CDC42BPB: variants seen among roughly 807,000 people sequenced by gnomAD.
CDC42BPB encodes the protein CDC42 binding protein kinase beta.
CDC42BPB carries 37 observed loss-of-function variants against 214.9 expected under a neutral mutation model. The ratio of observed to expected loss-of-function variants is 0.17; its 90% CI spans 0.13 to 0.23. The LOEUF is 0.23. Among genes scored for constraint, CDC42BPB ranks in the 10% least tolerant of loss-of-function variants. CDC42BPB has a pLI of 1.00. For synonymous variants in CDC42BPB, 931 were observed against 884.0 expected, an observed-to-expected ratio of 1.05 and a Z score of -0.94; for missense variants, 1,694 against 2,227.0, an observed-to-expected ratio of 0.76 and a Z score of 4.82.
intron 1 of CDC42BPB, among the ~76,000 whole-genome samples, chr14:103,021,256 C>T (rs759419043): frequency 1.3e-5 from 2 of 152,078 alleles, no homozygotes; most frequent in African/African-American, 2.4e-5. Flanking sequence ...GTCAGGAGAT[C>T]GAGACCATCC....
Position 103,004,017 on chromosome 14 carries a change from A to G in CDC42BPB, c.358T>C (p.Cys120Arg). ...AGCACATCGCGCTCCTCTCGGAAGCACGCGGTCTGCAAAGCAACGAGGGGT... is the reference window on the plus strand; with the variant it reads ...AGCACATCGCGCTCCTCTCGGAAGCGCGCGGTCTGCAAAGCAACGAGGGGT... Reference protein sequence around the residue: ...WEMLKRAETACFREERDVLVN... With the variant: ...WEMLKRAETARFREERDVLVN... The change falls in exon 4 of 37, where the codon TGC becomes CGC. Residue 120 changes from cysteine to arginine, a missense_variant. By Grantham distance (180) the Cys-to-Arg change is radical. Transcript: ENST00000361246. The surrounding 1 kb of genome is among the most constrained non-coding windows in gnomAD (Gnocchi z 5.3). The G allele has an allele frequency of 6.2e-7, 1 of 1,601,718 alleles. No individual in the cohort carries two copies. The highest frequency in any genetic ancestry group is 8.5e-7 in the Non-Finnish European group (1 of 1,177,916).
At chr14:103,036,147 A>G (rs1269634126) in intron 1 of CDC42BPB, among the ~76,000 whole-genome samples, 1 of 151,130 alleles carries the variant, frequency 6.6e-6, no homozygotes, top group Non-Finnish European at 1.5e-5. Flanking sequence ...AATAAAATAA[A>G]ATATTCTTTT....
Position 102,959,640 on chromosome 14 carries a change from C to T in CDC42BPB, c.2892G>A (p.Leu964=). The change falls in exon 21 of 37, where the codon CTG becomes CTA. Residue 964 remains leucine (L), a synonymous_variant. Coordinates refer to ENST00000361246, the MANE Select transcript of CDC42BPB (RefSeq NM_006035.4). ...YFNTAPLAHD[L]TFRTSSASEQ... is the part of the protein sequence containing the mutation. ...AAAAACAATGACTTACTCTAAATGT[C>T]AGGTCATGTGCAAGAGGAGCAGTGT... 1 of 1,600,712 alleles carries T rather than the reference C, an allele frequency of 6.2e-7. No individual in the cohort carries two copies. Among genetic ancestry groups the T allele is most frequent in the Non-Finnish European group, 8.5e-7 (1 of 1,172,236 alleles).
chr14:102,972,191 G>T (rs371492506), intron 12 of CDC42BPB, 30 bp from the exon 13 acceptor site: 2 of 1,605,408 alleles, frequency 1.2e-6, no homozygotes, highest in South Asian at 1.1e-5. Context: ...GATGTTTTAC[G>T]TTTGCCTAAC....
At chr14:102,952,467 C>T (rs769365910) in intron 24 of CDC42BPB, 31 bp downstream of exon 24, 89 of 1,447,828 alleles carry the variant, frequency 6.1e-5, no homozygotes, top group East Asian at 1.6e-4. Context: ...GGGCTGTGCA[C>T]GCTGACCCCA....
chr14:102,939,894 G>A lies in CDC42BPB; in HGVS notation c.4645C>T (p.Arg1549Cys), dbSNP rs1449283610. 3 of 1,613,894 alleles carry A rather than the reference G, an allele frequency of 1.9e-6. No individual in the cohort carries two copies. Among genetic ancestry groups the A allele is most frequent in the Non-Finnish European group, 1.7e-6 (2 of 1,180,048 alleles). ...ACGAACCGCCTTTTGCTCCTGGTGC[G>A]CAGCATCTGCTTCTTGCTGTTGTCG... is the stretch of plus-strand genomic sequence containing the variant. ...TSDNSKKQML[R>C]TRSKRRFVFK... is the part of the protein sequence containing the mutation. Residue 1549 changes from arginine to cysteine, a missense_variant, in exon 33 of 37, where the codon CGC (arginine) becomes TGC (cysteine). Transcript: ENST00000361246.
At chr14:102,985,905 G>A (rs547457505) in intron 6 of CDC42BPB, among the ~76,000 whole-genome samples, 47 of 152,354 alleles carry the variant, frequency 3.1e-4, no homozygotes, top group African/African-American at 1.1e-3. Flanking sequence ...CTGACTGCGG[G>A]GTGGAGACCA....
At chr14:103,010,659 AACCAAAAGGC>A (rs1886103075) in intron 2 of CDC42BPB, among the ~76,000 whole-genome samples, 1 of 152,208 alleles carries the variant, frequency 6.6e-6, no homozygotes, top group Non-Finnish European at 1.5e-5. Flanking sequence ...TTCCTCAGTG[AACCAAAAGGC>A]ACAGTTCCCC....
chr14:103,027,101 C>T (rs890611451), intron 1 of CDC42BPB, among the ~76,000 whole-genome samples: 3 of 152,128 alleles, frequency 2.0e-5, no homozygotes, highest in African/African-American at 7.2e-5. Flanking sequence ...CAAAGTCATT[C>T]GCAATCAGGG....
At chr14:102,940,348 G>C (rs1041228167) in intron 30 of CDC42BPB, 24 bp from the exon 31 acceptor site, 1 of 1,553,280 alleles carries the variant, frequency 6.4e-7, no homozygotes, top group Non-Finnish European at 8.7e-7. Flanking sequence ...AGCAGGGCGG[G>C]GTGAGCCACA....
chr14:102,979,644 T>C (rs1292969941), intron 8 of CDC42BPB, among the ~76,000 whole-genome samples: 1 of 152,212 alleles, frequency 6.6e-6, no homozygotes, highest in African/African-American at 2.4e-5. Context: ...GGATGAAACA[T>C]ACAGAGTGAA....
chr14:103,009,785 A>G (rs949800769), intron 2 of CDC42BPB, among the ~76,000 whole-genome samples: 1 of 152,212 alleles, frequency 6.6e-6, no homozygotes, highest in Non-Finnish European at 1.5e-5. Flanking sequence ...CATGCCTGGC[A>G]CAGCTCAATG....
intron 1 of CDC42BPB, among the ~76,000 whole-genome samples, chr14:103,014,008 A>G (rs1357729213): frequency 6.6e-6 from 1 of 152,154 alleles, no homozygotes; most frequent in Admixed American, 6.5e-5. Flanking sequence ...TACTAAAAAT[A>G]CAAAAAATTT....
At chr14:102,999,793 G>A (rs1894897358) in intron 4 of CDC42BPB, 80 bp from the exon 5 acceptor site, 1 of 1,560,592 alleles carries the variant, frequency 6.4e-7, no homozygotes, top group Non-Finnish European at 8.7e-7. Context: ...AGTCTTCCAT[G>A]GCGAGGTTCT....
chr14:102,949,592 G>A (rs1039258104), intron 26 of CDC42BPB, among the ~76,000 whole-genome samples, 173 bp downstream of exon 26: 1 of 152,130 alleles, frequency 6.6e-6, no homozygotes, highest in African/African-American at 2.4e-5. Context: ...CTGTTCATAC[G>A]CATGTGAGCG....
rs1017952963 is a variant in CDC42BPB, at chr14:103,004,499, T to C, written c.352-476A>G. On this transcript the variant is annotated intron_variant, in intron 3 of 36. Coordinates refer to ENST00000361246, the MANE Select transcript of CDC42BPB (RefSeq NM_006035.4). This position sits in a 1 kb window ranked among gnomAD's most constrained non-coding sequence, Gnocchi z 5.3. ...AAATCACAGTATAGTGATGACACAA[T>C]TGTCACAGATTCCACTAGGGAGGCC... Among the ~76,000 whole-genome samples the C allele has an allele frequency of 1.3e-5, 2 of 152,178 alleles. No individual in the cohort carries two copies. Among genetic ancestry groups the C allele is most frequent in the African/African-American group, 4.8e-5 (2 of 41,440 alleles).
At position 103,037,896 on chromosome 14, in the gene CDC42BPB, G is replaced by A. The variant is rs564149670; in HGVS notation, c.175+19103C>T. ...TGCAAAAAATTAGCTGGGCGTGGTG[G>A]CGGGCGCCTATAGTCCCAGCTACTT... On this transcript the variant is annotated intron_variant, in intron 1 of 36. Transcript: ENST00000361246. 2.3e-3 allele frequency among the ~76,000 whole-genome samples: 348 copies of A among 152,070 alleles called. 1 individual carries two copies. The highest frequency in any genetic ancestry group is 4.3e-3 in the Non-Finnish European group (294 of 68,006).
chr14:102,939,772 C>T, intron 33 of CDC42BPB, 45 bp from the exon 34 acceptor site: 1 of 1,614,048 alleles, frequency 6.2e-7, no homozygotes, highest in African/African-American at 1.3e-5. Context: ...ACGTGAGAAT[C>T]CTCTTGGCCC....
chr14:102,937,949 G>A (rs942009046), intron 36 of CDC42BPB, among the ~76,000 whole-genome samples, 155 bp downstream of exon 36: 2 of 152,148 alleles, frequency 1.3e-5, no homozygotes, highest in African/African-American at 2.4e-5. Context: ...TGGGGGAGGG[G>A]ACAGCCACCC....
Sources: gnomAD v4.1 joint callset for allele counts (sites outside exome capture counted in the v4.1 genomes callset) on GRCh38, gnomAD v4.1.1 for gene constraint, Gnocchi (gnomAD v3.1) non-coding constraint, MANE v1.5 for transcripts, NCBI Gene and HGNC (gene_info 2026-07-23, HGNC 2026-07-21) for gene names.